CSE1L: variants seen among roughly 807,000 people sequenced by gnomAD.
CSE1L encodes chromosome segregation 1 like.
Under a neutral mutation model 120.4 loss-of-function variants are expected in CSE1L, and 24 were observed. The ratio of observed to expected loss-of-function variants is 0.20; its 90% CI spans 0.14 to 0.28. CSE1L has a LOEUF of 0.28. CSE1L is among the 10% of genes least tolerant of loss of function. The probability of loss-of-function intolerance (pLI) is 1.00; values close to 1 mark genes in which losing one functional copy is unlikely to be tolerated. For synonymous variants in CSE1L, 402 were observed against 398.3 expected (o/e 1.01, Z -0.11); for missense variants, 830 against 1,145.2 (o/e 0.72, Z 3.97).
chr20:49,060,355 G>A (rs943000808), intron 2 of CSE1L, among the ~76,000 whole-genome samples: 11 of 151,932 alleles, frequency 7.2e-5, no homozygotes, highest in African/African-American at 1.9e-4. Context: ...GGTGGTGCAC[G>A]GCTGTAGTCC....
In CSE1L at chr20:49,070,569, A is replaced by G. The variant is rs142028533; in HGVS notation, c.768+272A>G. Among the ~76,000 whole-genome samples, 1,063 of 152,324 alleles carry G rather than the reference A, an allele frequency of 7.0e-3. 15 individuals are homozygous for G. Among genetic ancestry groups the G allele is most frequent in the African/African-American group, 0.023 (976 of 41,572 alleles). Reference sequence around the variant, plus strand: ...AAAGTAGTGACATTATGGATATTTCATGAAATAAAATTATTTTTCATTGAA... The same window carrying G: ...AAAGTAGTGACATTATGGATATTTCGTGAAATAAAATTATTTTTCATTGAA... On this transcript the variant is annotated intron_variant, in intron 8 of 24. Coordinates refer to ENST00000262982, the MANE Select transcript of CSE1L (RefSeq NM_001316.4).
rs767179174 is a variant in CSE1L at position 49,094,903 on chromosome 20, T to C, written c.2766T>C (p.Asn922=). The change falls in exon 24 of 25, where the codon AAT becomes AAC. Residue 922 remains asparagine, a synonymous_variant. Transcript: ENST00000262982. ...ATGATCCTGTAGGTCAAATGGTGAA[T>C]AACCCCAAAATTCACCTGGCACAGT... ...KEHDPVGQMV[N]NPKIHLAQSL... is the part of the protein sequence containing the mutation. 1.9e-6 allele frequency: 3 copies of C among 1,614,174 alleles called. No homozygotes were observed. The South Asian group carries it at 3.3e-5, about 18-fold the overall frequency.
intron 1 of CSE1L, among the ~76,000 whole-genome samples, chr20:49,053,651 C>T (rs1373206759): frequency 6.6e-6 from 1 of 151,966 alleles, no homozygotes; most frequent in African/African-American, 2.4e-5. Context: ...ACACCTGGCC[C>T]AAACTTTCAT....
At chr20:49,047,380 G>C (rs983846957) in intron 1 of CSE1L, among the ~76,000 whole-genome samples, 2 of 151,924 alleles carry the variant, frequency 1.3e-5, no homozygotes, top group African/African-American at 4.8e-5. Context: ...TAGCCAGTGT[G>C]GCTTTCTGTT....
chr20:49,078,605 A>G lies in CSE1L; in HGVS notation c.1465A>G (p.Met489Val). Residue 489 changes from methionine to valine, a missense_variant, in exon 14 of 25, where the codon ATG (methionine) becomes GTG (valine). Transcript: ENST00000262982. Reference protein sequence around the residue: ...VLKADGIKYIMIFRNQVPKEH... With the variant: ...VLKADGIKYIVIFRNQVPKEH... ...TAAAGCTGACGGTATCAAATATATT[A>G]TGATTTTTAGAAATCAAGTAAGTAG... 6.4e-7 allele frequency: 1 copy of G among 1,568,934 alleles called. No individual in the cohort carries two copies. The highest frequency in any genetic ancestry group is 8.6e-7 in the Non-Finnish European group (1 of 1,156,664).
At chr20:49,063,426 C>A (rs6019621) in intron 3 of CSE1L, 82 bp downstream of exon 3, 1 of 911,480 alleles carries the variant, frequency 1.1e-6, no homozygotes, top group Non-Finnish European at 1.5e-6. Context: ...AGATAAGGCA[C>A]GTGCTTGTAG....
Position 49,089,267 on chromosome 20 carries a change from T to G in CSE1L, c.1842T>G (p.Phe614Leu). Residue 614 changes from phenylalanine to leucine, a missense_variant, in exon 18 of 25, where the codon TTT becomes TTG. Physicochemically the swap from Phe to Leu is conservative, Grantham distance 22. Transcript: ENST00000262982. ...TTCAGAACCCAAGCAAACCTCACTT[T>G]AATCACTACATGTTTGAAGCAATAT... ...AVSKNPSKPH[F>L]NHYMFEAICL... The G allele has an allele frequency of 6.3e-7, 1 of 1,588,288 alleles. No homozygotes were observed. Among genetic ancestry groups the G allele is most frequent in the Non-Finnish European group, 8.5e-7 (1 of 1,173,240 alleles).
At chr20:49,086,043 G>A (rs2092054014) in intron 16 of CSE1L, among the ~76,000 whole-genome samples, 2 of 152,210 alleles carry the variant, frequency 1.3e-5, no homozygotes, top group South Asian at 4.1e-4. Flanking sequence ...TGCACAAATC[G>A]TGTCTTCTTA....
rs1465591103 is a variant in CSE1L, at chr20:49,075,392, G to A, written c.1207G>A (p.Gly403Arg). 2 of 1,613,980 alleles carry A rather than the reference G, an allele frequency of 1.2e-6. No individual in the cohort carries two copies. The highest frequency in any genetic ancestry group is 2.2e-5 in the East Asian group (1 of 44,860). Residue 403 changes from glycine (G) to arginine (R), a missense_variant, in exon 12 of 25, where the codon GGA (glycine) becomes AGA (arginine). By Grantham distance (125) the Gly-to-Arg change is moderately radical. Transcript: ENST00000262982. ...LCKFFEGPVT[G>R]IFSGYVNSML... is the part of the protein sequence containing the mutation. ...CAAGTTTTTTGAGGGACCTGTGACA[G>A]GAATCTTCTCTGGTTATGTTAATTC...
intron 14 of CSE1L, among the ~76,000 whole-genome samples, chr20:49,082,514 G>GT (rs2145741444): frequency 6.6e-6 from 1 of 152,040 alleles, no homozygotes; most frequent in Non-Finnish European, 1.5e-5. Context: ...TTTGTTACTT[G>GT]TTTGTTTTGA....
At chr20:49,048,143 TCTC>T (rs1285840350) in intron 1 of CSE1L, among the ~76,000 whole-genome samples, 1 of 137,972 alleles carries the variant, frequency 7.2e-6, no homozygotes, top group African/African-American at 3.0e-5. Flanking sequence ...TGTGTGTCTC[TCTC>T]TTTTTTTTTT....
At chr20:49,070,141 A>C in intron 7 of CSE1L, 64 bp from the exon 8 acceptor site, 1 of 751,012 alleles carries the variant, frequency 1.3e-6, no homozygotes, top group Non-Finnish European at 2.2e-6. Context: ...GTGGTAAGGG[A>C]ACTTATAAAA....
chr20:49,071,961 G>T (rs2091935018), intron 8 of CSE1L, among the ~76,000 whole-genome samples: 1 of 106,862 alleles, frequency 9.4e-6, no homozygotes. Flanking sequence ...GAGGGAGACT[G>T]CGTCTCAAAA....
At chr20:49,065,316 T>A (rs1255756529) in intron 3 of CSE1L, among the ~76,000 whole-genome samples, 4 of 59,906 alleles carry the variant, frequency 6.7e-5, no homozygotes, top group Non-Finnish European at 8.0e-5. Flanking sequence ...AAAAAAAATT[T>A]TTTTTTTTTT....
intron 14 of CSE1L, among the ~76,000 whole-genome samples, chr20:49,083,045 G>GA (rs2145742330): frequency 6.9e-6 from 1 of 145,498 alleles, no homozygotes; most frequent in Admixed American, 6.9e-5. Flanking sequence ...TTTTTTCTGA[G>GA]ATGGAGTCTT....
At chr20:49,077,399 A>G (rs896171757) in intron 13 of CSE1L, among the ~76,000 whole-genome samples, 13 of 152,168 alleles carry the variant, frequency 8.5e-5, no homozygotes, top group African/African-American at 2.9e-4. Flanking sequence ...ACCTCAGGTG[A>G]TCCACCTGCG....
intron 21 of CSE1L, among the ~76,000 whole-genome samples, chr20:49,091,381 C>T (rs1344157946): frequency 6.6e-6 from 1 of 151,758 alleles, no homozygotes; most frequent in Non-Finnish European, 1.5e-5. Context: ...GCCAAGATTA[C>T]ACCCACTGCA....
At chr20:49,053,147 C>A (rs79547597) in intron 1 of CSE1L, among the ~76,000 whole-genome samples, 1 of 122,714 alleles carries the variant, frequency 8.1e-6, no homozygotes. Flanking sequence ...CCCTGTCTCT[C>A]TTTTTTTTTT....
chr20:49,096,537 C>A lies in CSE1L; in HGVS notation c.*99C>A. On this transcript the variant is annotated 3_prime_UTR_variant, in exon 25 of 25. Transcript: ENST00000262982. ...AAACAAAGGAAGTTCTCCTTTTGAACTTGTCACGAATTCCATCTTGTAAAG... is the reference window on the plus strand; with the variant it reads ...AAACAAAGGAAGTTCTCCTTTTGAAATTGTCACGAATTCCATCTTGTAAAG... The A allele has an allele frequency of 1.1e-6, 1 of 877,838 alleles. No homozygotes were observed. Among genetic ancestry groups the A allele is most frequent in the Non-Finnish European group, 1.9e-6 (1 of 540,274 alleles). The allele number at this position is 877,838 out of a possible 1,614,324, so 54.4% of individuals were successfully genotyped here. A position where few individuals can be genotyped will look rare whatever the true frequency, so the allele number is the denominator to read the frequency against.
Sources: gnomAD v4.1 joint callset for allele counts (sites outside exome capture counted in the v4.1 genomes callset) on GRCh38, gnomAD v4.1.1 for gene constraint, MANE v1.5 for transcripts, NCBI Gene and HGNC (gene_info 2026-07-23, HGNC 2026-07-21) for gene names.